CLIP1: variants seen among roughly 807,000 people sequenced by gnomAD.
The protein encoded by CLIP1 is CAP-Gly domain-containing linker protein 1.
CLIP1 carries 66 observed loss-of-function variants against 161.6 expected under a neutral mutation model. That is an observed-to-expected ratio of 0.41 (90% CI 0.33 to 0.50). The LOEUF (loss-of-function observed/expected upper bound fraction) is 0.50. Ranked by LOEUF, CLIP1 falls within the 20% of genes least tolerant of loss-of-function variation. CLIP1 has a pLI of 0.27. For missense variants in CLIP1, 1,376 were observed against 1,702.0 expected (o/e 0.81, Z 3.37); for synonymous variants, 598 against 626.2 (o/e 0.96, Z 0.67).
intron 20 of CLIP1, among the ~76,000 whole-genome samples, chr12:122,293,813 G>T (rs374709730): frequency 6.9e-5 from 9 of 130,922 alleles, no homozygotes; most frequent in East Asian, 4.6e-4. Flanking sequence ...TTTGTTTTTT[G>T]TTTTTTTTTG....
intron 3 of CLIP1, among the ~76,000 whole-genome samples, chr12:122,373,757 T>C (rs1176857699): frequency 1.3e-5 from 2 of 152,186 alleles, no homozygotes; most frequent in Admixed American, 1.3e-4. Context: ...CTGTTTTAAA[T>C]TAAGACCTGT....
At chr12:122,331,789 G>C (rs1317034337) in intron 15 of CLIP1, among the ~76,000 whole-genome samples, 1 of 151,534 alleles carries the variant, frequency 6.6e-6, no homozygotes, top group Non-Finnish European at 1.5e-5. Flanking sequence ...GAGGTCAGGA[G>C]TTTGAGACCA....
Position 122,341,440 on chromosome 12 carries a change from T to G in CLIP1, c.1764A>C (p.Ile588=), listed in dbSNP as rs765156085. 4.3e-6 allele frequency: 7 copies of G among 1,613,948 alleles called. No homozygotes were observed. The South Asian group carries it at 6.6e-5, about 15-fold the overall frequency. ...TTTCCGTGGCGGTATACAGAGCCTT[T>G]ATCTCCTTCTGATGAGTTTCTTCCC... ...GAREETHQKE[I]KALYTATEKL... is the part of the protein sequence containing the mutation. The change falls in exon 11 of 26, where the codon ATA becomes ATC. Residue 588 remains isoleucine (I), a synonymous_variant. Transcript: ENST00000620786.
intron 3 of CLIP1, among the ~76,000 whole-genome samples, chr12:122,372,390 G>C (rs939801441): frequency 5.9e-5 from 9 of 151,564 alleles, no homozygotes; most frequent in Non-Finnish European, 1.0e-4. Context: ...ACTCCAGCCT[G>C]GGCGACAAGA....
rs369363581 is a variant in CLIP1 at position 122,319,197 on chromosome 12, G to T, written c.3366+35C>A. On this transcript the variant is annotated intron_variant, in intron 18 of 25. Transcript: ENST00000620786. ...AAACATTCTACCAAGTTGGTAAGCTGTTCTTTGTATAAAAAGCTATTTAAA... is the reference window on the plus strand; with the variant it reads ...AAACATTCTACCAAGTTGGTAAGCTTTTCTTTGTATAAAAAGCTATTTAAA... 52 of 1,394,064 alleles carry T rather than the reference G, an allele frequency of 3.7e-5. 1 individual carries two copies. The African/African-American group carries it at 6.4e-4, about 17-fold the overall frequency. The allele number at this position is 1,394,064 out of a possible 1,614,324, so 86.4% of individuals were successfully genotyped here. A position where few individuals can be genotyped will look rare whatever the true frequency, so the allele number is the denominator to read the frequency against.
At chr12:122,280,347 G>A (rs1955598736) in intron 21 of CLIP1, 1 of 152,170 alleles carries the variant, frequency 6.6e-6, no homozygotes, top group African/African-American at 2.4e-5. Context: ...AAAGTGCTGG[G>A]ATTACAGGCG....
At position 122,347,371 on chromosome 12, in the gene CLIP1, T is replaced by G. The variant is rs1165249007; in HGVS notation, c.1506+4A>C. 2 of 1,595,704 alleles carry G rather than the reference T, an allele frequency of 1.3e-6. No homozygotes were observed. The highest frequency in any genetic ancestry group is 3.3e-5 in the Admixed American group (2 of 59,938). ...CTGCTTCATTAAATAGTGAAAACCATTACCCTAGTGTCTTCTAACTCCCTC... is the reference window on the plus strand; with the variant it reads ...CTGCTTCATTAAATAGTGAAAACCAGTACCCTAGTGTCTTCTAACTCCCTC... On this transcript the variant is annotated splice_donor_region_variant and intron_variant, in intron 10 of 25. Transcript: ENST00000620786.
In CLIP1 at chr12:122,320,667, T is replaced by C. The variant is rs188984934; in HGVS notation, c.3250-1319A>G. Among the ~76,000 whole-genome samples, 36 of 150,218 alleles carry C rather than the reference T, an allele frequency of 2.4e-4. No individual in the cohort carries two copies. In the East Asian group the frequency reaches 6.0e-3, roughly 25 times the overall value. ...TGAACCCGGGAGGCAGAGGTTGCAG[T>C]GAGCCAAGGTCACACCACTGTACTC... is the stretch of plus-strand genomic sequence containing the variant. On this transcript the variant is annotated intron_variant, in intron 17 of 25. Coordinates refer to ENST00000620786, the MANE Select transcript of CLIP1 (RefSeq NM_001247997.2).
At chr12:122,339,270 T>G (rs1371092394) in intron 11 of CLIP1, among the ~76,000 whole-genome samples, 1 of 152,216 alleles carries the variant, frequency 6.6e-6, no homozygotes, top group Non-Finnish European at 1.5e-5. Flanking sequence ...CAATGAGATT[T>G]CTGCCATGCA....
At chr12:122,273,904 G>A in intron 25 of CLIP1, 134 bp downstream of exon 25, 2 of 668,518 alleles carry the variant, frequency 3.0e-6, no homozygotes, top group African/African-American at 1.8e-5. Context: ...GCTAACTTTT[G>A]TATTTTTAGT....
intron 5 of CLIP1, 125 bp downstream of exon 5, chr12:122,360,834 C>T (rs1953746474): frequency 1.3e-6 from 1 of 776,610 alleles, no homozygotes; most frequent in African/African-American, 1.8e-5. Flanking sequence ...ACTTTCACAG[C>T]AAAAGCTGTG....
intron 9 of CLIP1, among the ~76,000 whole-genome samples, chr12:122,349,426 G>A (rs890009473): frequency 2.6e-5 from 4 of 152,192 alleles, no homozygotes; most frequent in African/African-American, 9.7e-5. Flanking sequence ...CTCCGTAGTA[G>A]CTGGGATTAC....
In CLIP1 at chr12:122,341,536, T is replaced by C; in HGVS notation, c.1668A>G (p.Gln556=). 1.2e-6 allele frequency: 2 copies of C among 1,614,112 alleles called. No individual in the cohort carries two copies. The highest frequency in any genetic ancestry group is 1.7e-6 in the Non-Finnish European group (2 of 1,180,018). The change falls in exon 11 of 26, where the codon CAA becomes CAG. Residue 556 remains glutamine, a synonymous_variant. Coordinates refer to ENST00000620786, the MANE Select transcript of CLIP1 (RefSeq NM_001247997.2). ...LSLLQEISSL[Q]EKLEVTRTDH... ...CAGTACGGGTGACTTCTAACTTTTCTTGCAAAGAGCTTATCTCTTGCAAAA... is the reference window on the plus strand; with the variant it reads ...CAGTACGGGTGACTTCTAACTTTTCCTGCAAAGAGCTTATCTCTTGCAAAA...
chr12:122,365,226 A>G, intron 3 of CLIP1: 2 of 490,000 alleles, frequency 4.1e-6, no homozygotes, highest in South Asian at 7.5e-5. Flanking sequence ...CCTAAAACTT[A>G]AAGTATAATA....
At chr12:122,415,474 T>C (rs902207921) in intron 1 of CLIP1, among the ~76,000 whole-genome samples, 1 of 123,634 alleles carries the variant, frequency 8.1e-6, no homozygotes, top group African/African-American at 3.3e-5. Context: ...AGAGTGAGAC[T>C]CCATCTCAAA....
intron 4 of CLIP1, among the ~76,000 whole-genome samples, chr12:122,361,663 C>T (rs1466597766): frequency 6.6e-6 from 1 of 152,094 alleles, no homozygotes; most frequent in Non-Finnish European, 1.5e-5. Flanking sequence ...CCCAGGAGTT[C>T]AAGACCAGCC....
chr12:122,349,800 A>G (rs1230220423), intron 9 of CLIP1, among the ~76,000 whole-genome samples: 1 of 152,240 alleles, frequency 6.6e-6, no homozygotes, highest in East Asian at 1.9e-4. Flanking sequence ...CCTGTTTCGG[A>G]AGGAGAGAAG....
chr12:122,363,254 C>T (rs1480342378), intron 4 of CLIP1, among the ~76,000 whole-genome samples: 1 of 152,152 alleles, frequency 6.6e-6, no homozygotes, highest in Admixed American at 6.6e-5. Context: ...AATACCAGCA[C>T]TTTGGGAGAC....
In CLIP1 at chr12:122,272,199, C is replaced by A. The variant is rs553539516; in HGVS notation, c.*676G>T. The A allele has an allele frequency of 6.6e-6, 1 of 152,456 alleles. No individual in the cohort carries two copies. The highest frequency in any genetic ancestry group is 1.9e-4 in the East Asian group (1 of 5,184). The allele number at this position is 152,456 out of a possible 1,614,324, so 9.4% of individuals were successfully genotyped here. On this transcript the variant is annotated 3_prime_UTR_variant, in exon 26 of 26. Coordinates refer to ENST00000620786, the MANE Select transcript of CLIP1 (RefSeq NM_001247997.2). ...ATATAGAAGCTGAAATTATGCAAAA[C>A]TAATAAACAAAACACCACAGTAGAT... is the stretch of plus-strand genomic sequence containing the variant.
Sources: allele counts gnomAD v4.1 joint callset (sites outside exome capture counted in the v4.1 genomes callset), GRCh38; gene constraint gnomAD v4.1.1; transcripts MANE v1.5; gene names NCBI Gene and HGNC (gene_info 2026-07-23, HGNC 2026-07-21).